APBA1: variants seen among roughly 807,000 people sequenced by gnomAD.
The protein encoded by APBA1 is amyloid-beta A4 precursor protein-binding family A member 1.
APBA1 carries 55 observed loss-of-function variants against 86.6 expected under a neutral mutation model. The observed-to-expected ratio is 0.64, with a 90% CI of 0.51 to 0.80. The LOEUF is 0.80. APBA1 is among the 30% of genes least tolerant of loss of function. The pLI is 0.00. For synonymous variants in APBA1, 511 were observed against 493.9 expected (o/e 1.03, Z -0.46); for missense variants, 1,090 against 1,183.0 (o/e 0.92, Z 1.15).
At position 69,428,503 on chromosome 9, in the gene APBA1, G is replaced by A. The variant is rs1834528755; in HGVS notation, c.*2824C>T. 1 of 152,236 alleles carries A rather than the reference G, an allele frequency of 6.6e-6. No homozygotes were observed. The highest frequency in any genetic ancestry group is 2.4e-5 in the African/African-American group (1 of 41,438). 9.4% of individuals were successfully genotyped at this position (152,236 alleles called of 1,614,324 possible). On this transcript the variant is annotated 3_prime_UTR_variant, in exon 13 of 13. Coordinates refer to ENST00000265381, the MANE Select transcript of APBA1 (RefSeq NM_001163.4). ...TGGTGCCTCTGCCTGGACCAGGAGG[G>A]GGAGGTGAACGTGGGAGTCCAACCC...
At chr9:69,476,915 A>G (rs1341884174) in intron 2 of APBA1, among the ~76,000 whole-genome samples, 1 of 152,212 alleles carries the variant, frequency 6.6e-6, no homozygotes, top group Non-Finnish European at 1.5e-5. Context: ...GTCAGTGTAC[A>G]CAGAAGGTGC....
chr9:69,658,236 C>CTT (rs1345145077), intron 1 of APBA1, among the ~76,000 whole-genome samples: 3 of 17,608 alleles, frequency 1.7e-4, no homozygotes, highest in Non-Finnish European at 3.0e-4. Context: ...TTCTTTCTTT[C>CTT]TTTCTTTCTT....
intron 1 of APBA1, among the ~76,000 whole-genome samples, chr9:69,606,027 G>C (rs1822462722): frequency 6.6e-6 from 1 of 152,248 alleles, no homozygotes; most frequent in South Asian, 2.1e-4. Context: ...TATAGGCAGA[G>C]TCCTGCCAAC....
At chr9:69,442,211 G>A (rs1298078515) in intron 10 of APBA1, among the ~76,000 whole-genome samples, 5 of 152,220 alleles carry the variant, frequency 3.3e-5, no homozygotes, top group Admixed American at 1.3e-4. Context: ...GAGAAGGAAT[G>A]GCTGATAGCA....
intron 1 of APBA1, among the ~76,000 whole-genome samples, chr9:69,561,699 G>C (rs116968116): frequency 6.6e-6 from 1 of 150,966 alleles, no homozygotes; most frequent in African/African-American, 2.4e-5. Flanking sequence ...GTGCCATCTC[G>C]ACTCACTGCA....
chr9:69,639,918 T>C (rs1042463261), intron 1 of APBA1, among the ~76,000 whole-genome samples: 1 of 151,808 alleles, frequency 6.6e-6, no homozygotes, highest in Non-Finnish European at 1.5e-5. Flanking sequence ...CTAAATGGAG[T>C]CCATTGAAGC....
chr9:69,443,265 T>G (rs1219227340), intron 10 of APBA1, among the ~76,000 whole-genome samples: 5 of 152,218 alleles, frequency 3.3e-5, no homozygotes, highest in Non-Finnish European at 5.9e-5. Flanking sequence ...ATGATTCAGG[T>G]GCACGCTCAA....
chr9:69,552,235 T>A (rs1464193033), intron 1 of APBA1, among the ~76,000 whole-genome samples: 3 of 152,234 alleles, frequency 2.0e-5, no homozygotes, highest in African/African-American at 7.2e-5. Flanking sequence ...AAGATGATCT[T>A]CACAAGTTGG....
intron 1 of APBA1, among the ~76,000 whole-genome samples, chr9:69,585,410 G>T (rs540550860): frequency 4.6e-5 from 7 of 152,318 alleles, no homozygotes; most frequent in African/African-American, 1.4e-4. Flanking sequence ...GGAAAGGGGT[G>T]TGTGCCCGCT....
intron 4 of APBA1, among the ~76,000 whole-genome samples, chr9:69,471,130 A>G (rs1328208513): frequency 6.6e-6 from 1 of 152,134 alleles, no homozygotes; most frequent in Non-Finnish European, 1.5e-5. Context: ...CACAGGATTG[A>G]AGTGAGGATT....
intron 1 of APBA1, among the ~76,000 whole-genome samples, chr9:69,630,974 C>G (rs1034710007): frequency 7.2e-5 from 11 of 152,162 alleles, no homozygotes; most frequent in African/African-American, 2.7e-4. Context: ...AACTGAATGA[C>G]CTTGAGCAAG....
At chr9:69,468,910 G>T (rs975563405) in intron 4 of APBA1, among the ~76,000 whole-genome samples, 5 of 151,580 alleles carry the variant, frequency 3.3e-5, no homozygotes, top group African/African-American at 9.7e-5. Context: ...TCTCGCTAAG[G>T]CTGGAGTACA....
chr9:69,469,279 T>G (rs1835329293), intron 4 of APBA1, among the ~76,000 whole-genome samples: 1 of 152,224 alleles, frequency 6.6e-6, no homozygotes, highest in South Asian at 2.1e-4. Context: ...AATTTGCTTT[T>G]TCCTCTTGGA....
At chr9:69,599,954 C>A (rs969091680) in intron 1 of APBA1, among the ~76,000 whole-genome samples, 4 of 152,178 alleles carry the variant, frequency 2.6e-5, no homozygotes, top group Admixed American at 1.3e-4. Context: ...TCACTTTGCC[C>A]GGTAGCGTTT....
chr9:69,549,465 C>T (rs1373856034), intron 1 of APBA1, among the ~76,000 whole-genome samples: 2 of 152,178 alleles, frequency 1.3e-5, no homozygotes, highest in Non-Finnish European at 2.9e-5. Context: ...TGTCTCAAAA[C>T]CCACATATTT....
chr9:69,500,488 C>T (rs879584995), intron 2 of APBA1, among the ~76,000 whole-genome samples: 1 of 152,104 alleles, frequency 6.6e-6, no homozygotes, highest in East Asian at 1.9e-4. Context: ...TGCAGCAGAT[C>T]GACTGTGAGC....
At chr9:69,486,910 T>G (rs1835620295) in intron 2 of APBA1, among the ~76,000 whole-genome samples, 1 of 151,306 alleles carries the variant, frequency 6.6e-6, no homozygotes, top group South Asian at 2.1e-4. Context: ...CCTGCTCCCC[T>G]CATTGAAGAA....
At chr9:69,546,044 A>G (rs960347745) in intron 1 of APBA1, among the ~76,000 whole-genome samples, 2 of 152,256 alleles carry the variant, frequency 1.3e-5, no homozygotes, top group Non-Finnish European at 2.9e-5. Context: ...GAAATTATAC[A>G]AGATAAATTT....
intron 1 of APBA1, among the ~76,000 whole-genome samples, chr9:69,643,581 T>C (rs1435945193): frequency 6.6e-6 from 1 of 152,210 alleles, no homozygotes; most frequent in East Asian, 1.9e-4. Flanking sequence ...TGTTTCAGGA[T>C]ACTTCTCTAT....
Sources: gnomAD v4.1 joint callset for allele counts (sites outside exome capture counted in the v4.1 genomes callset) on GRCh38, gnomAD v4.1.1 for gene constraint, MANE v1.5 for transcripts, NCBI Gene and HGNC (gene_info 2026-07-23, HGNC 2026-07-21) for gene names.